TIMD4: variants seen among roughly 807,000 people sequenced by gnomAD.
TIMD4 encodes T-cell immunoglobulin and mucin domain-containing protein 4.
TIMD4 carries 31 observed loss-of-function variants against 41.2 expected under a neutral mutation model. The ratio of observed to expected loss-of-function variants is 0.75; its 90% CI spans 0.57 to 1.01. The LOEUF is 1.01. TIMD4 is among the 50% of genes least tolerant of loss of function. The pLI is 0.00. For synonymous variants in TIMD4, 204 were observed against 177.1 expected, an observed-to-expected ratio of 1.15 and a Z score of -1.21; for missense variants, 479 against 472.5, an observed-to-expected ratio of 1.01 and a Z score of -0.13.
At chr5:156,932,212 T>A (rs536486330) in intron 5 of TIMD4, among the ~76,000 whole-genome samples, 1 of 152,342 alleles carries the variant, frequency 6.6e-6, no homozygotes, top group African/African-American at 2.4e-5. Context: ...TTTGTCTAAT[T>A]TCTAAATTTT....
rs749331195 is a variant in TIMD4, at chr5:156,949,747, G to A, written c.680-16C>T. ...GTTTCTGATTCTGGAAGAGAAAAAA[G>A]TTGGATAAAAGGCAGCTGAAAAGTA... On this transcript the variant is annotated splice_polypyrimidine_tract_variant and intron_variant, in intron 3 of 8. Coordinates refer to ENST00000274532, the MANE Select transcript of TIMD4 (RefSeq NM_138379.3). The A allele has an allele frequency of 1.3e-6, 2 of 1,585,848 alleles. No homozygotes were observed.
At chr5:156,942,205 T>A (rs532950039) in intron 5 of TIMD4, among the ~76,000 whole-genome samples, 2 of 152,222 alleles carry the variant, frequency 1.3e-5, no homozygotes, top group African/African-American at 4.8e-5. Flanking sequence ...ATTACAGGTA[T>A]AATGATTCAT....
In TIMD4 at chr5:156,954,724, C is replaced by T. The variant is rs768813641; in HGVS notation, c.91G>A (p.Val31Ile). 1.6e-5 allele frequency: 26 copies of T among 1,613,318 alleles called. No homozygotes were observed. In the South Asian group the frequency reaches 1.6e-4, roughly 10 times the overall value. Residue 31 changes from valine (V) to isoleucine (I), a missense_variant, in exon 2 of 9, where the codon GTT (valine) becomes ATT (isoleucine). Transcript: ENST00000274532. ...GGCAAAGTCACCCGGTGACCCAAAACCTCCGTCACAACAGTCTCTGAAGTG... is the reference window on the plus strand; with the variant it reads ...GGCAAAGTCACCCGGTGACCCAAAATCTCCGTCACAACAGTCTCTGAAGTG... ...PVTSETVVTE[V>I]LGHRVTLPCL...
Position 156,956,684 on chromosome 5 carries a change from A to G in TIMD4, c.59-1928T>C, listed in dbSNP as rs536685869. ...GTTAAGCCCATTGGTTTAATTGTGCATCAGAGATTATTCTAAACCATTTCC... is the reference window on the plus strand; with the variant it reads ...GTTAAGCCCATTGGTTTAATTGTGCGTCAGAGATTATTCTAAACCATTTCC... On this transcript the variant is annotated intron_variant, in intron 1 of 8. Transcript: ENST00000274532. Among the ~76,000 whole-genome samples the G allele has an allele frequency of 3.9e-5, 6 of 152,394 alleles. No homozygotes were observed. In the East Asian group the frequency reaches 1.2e-3, roughly 29 times the overall value.
intron 5 of TIMD4, among the ~76,000 whole-genome samples, chr5:156,936,931 G>A (rs1398242781): frequency 7.7e-6 from 1 of 129,318 alleles, no homozygotes; most frequent in Non-Finnish European, 1.5e-5. Context: ...GACTCCGTCT[G>A]GAAAAAAAAA....
At chr5:156,943,765 A>G (rs1369449501) in intron 5 of TIMD4, among the ~76,000 whole-genome samples, 1 of 152,106 alleles carries the variant, frequency 6.6e-6, no homozygotes, top group African/African-American at 2.4e-5. Context: ...AATAAAATTA[A>G]TCCCAGCTGG....
intron 5 of TIMD4, among the ~76,000 whole-genome samples, chr5:156,937,769 G>C (rs189140076): frequency 5.9e-5 from 9 of 152,300 alleles, no homozygotes; most frequent in African/African-American, 1.7e-4. Flanking sequence ...TGGTAGACTA[G>C]AATGCTATTG....
chr5:156,926,238 T>G, intron 6 of TIMD4, 25 bp downstream of exon 6: 2 of 1,611,786 alleles, frequency 1.2e-6, no homozygotes, highest in Non-Finnish European at 1.7e-6. Context: ...AGTGATATAC[T>G]GCAAATACTT....
At chr5:156,930,186 T>G (rs1418058287) in intron 5 of TIMD4, among the ~76,000 whole-genome samples, 1 of 152,110 alleles carries the variant, frequency 6.6e-6, no homozygotes, top group East Asian at 1.9e-4. Context: ...AGTCTCAAAC[T>G]CCTGGCCTCA....
chr5:156,944,835 C>T (rs1759711314), intron 5 of TIMD4, among the ~76,000 whole-genome samples: 1 of 152,108 alleles, frequency 6.6e-6, no homozygotes, highest in Non-Finnish European at 1.5e-5. Flanking sequence ...AGGCTTGAGC[C>T]ACTGTGCCTG....
chr5:156,941,001 A>G (rs1006371342), intron 5 of TIMD4, among the ~76,000 whole-genome samples: 1 of 152,226 alleles, frequency 6.6e-6, no homozygotes, highest in African/African-American at 2.4e-5. Context: ...GATGCTGTTA[A>G]TCTATAACCT....
At chr5:156,960,803 G>T (rs1268271005) in intron 1 of TIMD4, among the ~76,000 whole-genome samples, 1 of 152,256 alleles carries the variant, frequency 6.6e-6, no homozygotes, top group African/African-American at 2.4e-5. Context: ...CCCTCATGGG[G>T]CCTGCAGAGT....
intron 1 of TIMD4, among the ~76,000 whole-genome samples, chr5:156,960,022 A>T (rs757613046): frequency 1.3e-5 from 2 of 152,014 alleles, no homozygotes; most frequent in Non-Finnish European, 2.9e-5. Context: ...CAGCCTGGGC[A>T]TTGGAGTGAG....
At chr5:156,950,418 C>T (rs1041648123) in intron 3 of TIMD4, among the ~76,000 whole-genome samples, 3 of 152,104 alleles carry the variant, frequency 2.0e-5, no homozygotes, top group African/African-American at 7.2e-5. Context: ...AAAATACATA[C>T]AAGAATTGAT....
chr5:156,953,676 G>A (rs186866514), intron 2 of TIMD4, among the ~76,000 whole-genome samples: 2,876 of 58,204 alleles, frequency 0.049, 120 homozygotes, highest in African/African-American at 0.14. Context: ...AAAAAAAAAA[G>A]AGAGAGAGAG....
chr5:156,929,462 G>T (rs532922323), intron 5 of TIMD4, among the ~76,000 whole-genome samples: 1 of 152,174 alleles, frequency 6.6e-6, no homozygotes, highest in East Asian at 1.9e-4. Flanking sequence ...TTAAGCTCTT[G>T]AGACAAAATC....
chr5:156,963,025 G>GA (rs1203429353), intron 1 of TIMD4, 116 bp downstream of exon 1: 2 of 985,106 alleles, frequency 2.0e-6, no homozygotes, highest in Non-Finnish European at 3.2e-6. Flanking sequence ...AGAGGGGAGG[G>GA]ATGCAGAAAT....
rs546791525 is a variant in TIMD4 at position 156,939,948 on chromosome 5, C to A, written c.844+8468G>T. On this transcript the variant is annotated intron_variant, in intron 5 of 8. Transcript: ENST00000274532. ...CCATTCCCTACTCAAAAAACATGAA[C>A]CCTCTCCCTCTGCCTCTCCGTCGTC... 2.0e-5 allele frequency among the ~76,000 whole-genome samples: 3 copies of A among 152,322 alleles called. No individual in the cohort carries two copies. In the East Asian group the frequency reaches 5.8e-4, roughly 29 times the overall value.
chr5:156,921,616 C>CAAAAAAAAAAAA (rs66842169), intron 7 of TIMD4, among the ~76,000 whole-genome samples: 6 of 47,270 alleles, frequency 1.3e-4, no homozygotes, highest in Non-Finnish European at 1.6e-4. Context: ...GAGACTCTCT[C>CAAAAAAAAAAAA]AAAAAAAAAA....
Sources: gnomAD v4.1 joint callset for allele counts (sites outside exome capture counted in the v4.1 genomes callset) on GRCh38, gnomAD v4.1.1 for gene constraint, MANE v1.5 for transcripts, NCBI Gene and HGNC (gene_info 2026-07-23, HGNC 2026-07-21) for gene names.